The following PRKD1 variants were observed in gnomAD, a reference collection of about 807,000 sequenced individuals.
PRKD1 encodes serine/threonine-protein kinase D1.
PRKD1 carries 63 observed loss-of-function variants against 95.9 expected under a neutral mutation model. The observed-to-expected ratio is 0.66, with a 90% CI of 0.54 to 0.81. The LOEUF is 0.81. Among genes scored for constraint, PRKD1 ranks in the 30% least tolerant of loss-of-function variants. The pLI is 0.00. For synonymous variants in PRKD1, 425 were observed against 423.1 expected (o/e 1.00, Z -0.05); for missense variants, 1,048 against 1,165.3 (o/e 0.90, Z 1.47).
At chr14:29,871,976 A>T (rs1234495096) in intron 1 of PRKD1, among the ~76,000 whole-genome samples, 1 of 152,208 alleles carries the variant, frequency 6.6e-6, no homozygotes, top group Non-Finnish European at 1.5e-5. Context: ...TATGTTCTTG[A>T]TTCACCTGCA....
At position 29,927,626 on chromosome 14, in the gene PRKD1, A is replaced by C. The variant is rs1895358755; in HGVS notation, c.-114T>G. 1.1e-6 allele frequency: 1 copy of C among 895,820 alleles called. No individual in the cohort carries two copies. Among genetic ancestry groups the C allele is most frequent in the South Asian group, 5.2e-5 (1 of 19,222 alleles). The allele number at this position is 895,820 out of a possible 1,614,324, so 55.5% of individuals were successfully genotyped here. A position where few individuals can be genotyped will look rare whatever the true frequency, so the allele number is the denominator to read the frequency against. ...TCTTTCTCCGAGAGCCCAGACGGAAAATAAAAACTTTCCGGAAAAGTCCCT... is the reference window on the plus strand; with the variant it reads ...TCTTTCTCCGAGAGCCCAGACGGAACATAAAAACTTTCCGGAAAAGTCCCT... On this transcript the variant is annotated 5_prime_UTR_variant, in exon 1 of 18. It adds an upstream start codon to the 5' untranslated region. Transcript: ENST00000331968.
In PRKD1 at chr14:29,665,128, T is replaced by C. The variant is rs187110018; in HGVS notation, c.535+949A>G. 1.9e-3 allele frequency among the ~76,000 whole-genome samples: 291 copies of C among 152,320 alleles called. 2 individuals carry two copies. Among genetic ancestry groups the C allele is most frequent in the Middle Eastern group, 3.4e-3 (1 of 294 alleles). ...AAAGAAATGAACAGAAGAGAATCCA[T>C]GTACCCCCTAAATGCCTGGAAGATA... On this transcript the variant is annotated intron_variant, in intron 3 of 17. Transcript: ENST00000331968.
chr14:29,658,117 T>C (rs1402715064), intron 4 of PRKD1, among the ~76,000 whole-genome samples: 1 of 152,224 alleles, frequency 6.6e-6, no homozygotes, highest in Non-Finnish European at 1.5e-5. Context: ...GTATTATCCT[T>C]GCTATCTATA....
intron 1 of PRKD1, among the ~76,000 whole-genome samples, chr14:29,813,254 T>C (rs549230905): frequency 6.6e-5 from 10 of 152,250 alleles, no homozygotes; most frequent in Non-Finnish European, 1.5e-4. Flanking sequence ...CAATTGTATG[T>C]GGGAAAGCCC....
rs753967823 is a variant in PRKD1 at position 29,666,149 on chromosome 14, T to A, written c.463A>T (p.Arg155Ter). ...RPHALFVHSY[R>*]APAFCDHCGE... ...CAGTGATCACAGAAAGCTGGAGCTC[T>A]GTATGAATGAACAAAGAGAGCGTGG... The change falls in exon 3 of 18, where the codon AGA becomes TGA. Residue 155 changes from arginine to a stop codon, truncating the protein, a stop_gained. Transcript: ENST00000331968. LOFTEE classifies it high-confidence loss of function. 3.1e-6 allele frequency: 5 copies of A among 1,608,982 alleles called. No homozygotes were observed. In the Admixed American group the frequency reaches 8.3e-5, roughly 27 times the overall value.
intron 1 of PRKD1, among the ~76,000 whole-genome samples, chr14:29,878,399 AC>A (rs1197643418): frequency 2.0e-5 from 3 of 150,886 alleles, no homozygotes; most frequent in South Asian, 2.1e-4. Context: ...CAGCAATTCC[AC>A]TCTTAGGTAT....
At chr14:29,684,109 C>T (rs1883707396) in intron 2 of PRKD1, among the ~76,000 whole-genome samples, 1 of 151,906 alleles carries the variant, frequency 6.6e-6, no homozygotes, top group African/African-American at 2.4e-5. Context: ...CAGGAAGTCT[C>T]CCTAGACTCT....
chr14:29,791,680 C>T (rs1047248023), intron 1 of PRKD1, among the ~76,000 whole-genome samples: 1 of 152,108 alleles, frequency 6.6e-6, no homozygotes, highest in Non-Finnish European at 1.5e-5. Flanking sequence ...CAAATAATAT[C>T]CTATTGTATG....
chr14:29,798,579 G>A (rs183980634), intron 1 of PRKD1, among the ~76,000 whole-genome samples: 2 of 152,164 alleles, frequency 1.3e-5, no homozygotes, highest in African/African-American at 4.8e-5. Flanking sequence ...TATTGCCCAT[G>A]TTAATTTCTC....
At chr14:29,830,538 T>G (rs1415576292) in intron 1 of PRKD1, among the ~76,000 whole-genome samples, 1 of 152,120 alleles carries the variant, frequency 6.6e-6, no homozygotes, top group Non-Finnish European at 1.5e-5. Flanking sequence ...TATTTAACCA[T>G]AACAATCAGC....
intron 16 of PRKD1, among the ~76,000 whole-genome samples, chr14:29,597,100 T>A (rs1377213089): frequency 3.9e-5 from 6 of 152,150 alleles, no homozygotes; most frequent in Non-Finnish European, 7.4e-5. Flanking sequence ...TACTAACATA[T>A]GTTATATGAT....
At chr14:29,621,383 C>CCTCTCTTTCTCTCT (rs1030193446) in intron 13 of PRKD1, among the ~76,000 whole-genome samples, 3 of 151,072 alleles carry the variant, frequency 2.0e-5, no homozygotes, top group Admixed American at 6.6e-5. Context: ...TCTCTCTCTC[C>CCTCTCTTTCTCTCT]CTCTCTTTCT....
chr14:29,700,577 C>T (rs933055157), intron 2 of PRKD1, among the ~76,000 whole-genome samples: 2 of 152,136 alleles, frequency 1.3e-5, no homozygotes, highest in African/African-American at 2.4e-5. Context: ...GGCAAGAATG[C>T]TTTATGTTTG....
At chr14:29,613,609 A>C (rs545657863) in intron 13 of PRKD1, among the ~76,000 whole-genome samples, 126 of 152,284 alleles carry the variant, frequency 8.3e-4, no homozygotes, top group Non-Finnish European at 1.5e-3. Flanking sequence ...TCCACTTAAA[A>C]ATTTTTCTTG....
At chr14:29,742,757 A>G (rs936354599) in intron 1 of PRKD1, among the ~76,000 whole-genome samples, 1 of 152,234 alleles carries the variant, frequency 6.6e-6, no homozygotes, top group African/African-American at 2.4e-5. Context: ...ATCGATCAAT[A>G]TATATCTATG....
chr14:29,602,534 A>T (rs1893561397), intron 13 of PRKD1, among the ~76,000 whole-genome samples: 1 of 150,470 alleles, frequency 6.6e-6, no homozygotes, highest in East Asian at 2.0e-4. Flanking sequence ...GGTCCAAGCG[A>T]TTCTCCTGCC....
chr14:29,857,347 G>C (rs1255364753), intron 1 of PRKD1, among the ~76,000 whole-genome samples: 1 of 152,030 alleles, frequency 6.6e-6, no homozygotes, highest in Non-Finnish European at 1.5e-5. Flanking sequence ...AGAGCCATCA[G>C]AGAAAACAAC....
Position 29,655,712 on chromosome 14 carries a change from A to G in PRKD1, c.696+7987T>C, listed in dbSNP as rs139847985. On this transcript the variant is annotated intron_variant, in intron 4 of 17. Coordinates refer to ENST00000331968, the MANE Select transcript of PRKD1 (RefSeq NM_002742.3). ...CCAATTTTGGAGGAGGGCTTAACTA[A>G]AACCTTTTTTAAAGGAAATTTGTGT... Among the ~76,000 whole-genome samples, 89 of 152,164 alleles carry G rather than the reference A, an allele frequency of 5.8e-4. No individual in the cohort carries two copies. In the Middle Eastern group the frequency reaches 0.014, roughly 23 times the overall value.
intron 1 of PRKD1, among the ~76,000 whole-genome samples, chr14:29,809,944 T>C (rs1890409227): frequency 1.3e-5 from 2 of 152,200 alleles, no homozygotes; most frequent in Admixed American, 6.5e-5. Flanking sequence ...ATGTGACTCT[T>C]CCTTTCACTT....
Sources: gnomAD v4.1 joint callset for allele counts (sites outside exome capture counted in the v4.1 genomes callset) on GRCh38, gnomAD v4.1.1 for gene constraint, MANE v1.5 for transcripts, NCBI Gene and HGNC (gene_info 2026-07-23, HGNC 2026-07-21) for gene names.